The following P2RY14 variants were observed in gnomAD, a reference collection of about 807,000 sequenced individuals.
P2RY14 encodes the protein P2Y purinoceptor 14.
In P2RY14, 2 loss-of-function variants were observed where a neutral mutation model predicts 0.9. That is an observed-to-expected ratio of 2.16 (90% CI 0.88 to 6.79). The LOEUF (loss-of-function observed/expected upper bound fraction) is 6.79. P2RY14 is among the 30% of genes most tolerant of loss of function. The pLI is 0.05. For synonymous variants in P2RY14, 158 were observed against 147.2 expected, an observed-to-expected ratio of 1.07 and a Z score of -0.53; for missense variants, 378 against 400.1, an observed-to-expected ratio of 0.94 and a Z score of 0.47.
chr3:151,249,610 A>C (rs1168576720), intron 1 of P2RY14, among the ~76,000 whole-genome samples: 1 of 152,136 alleles, frequency 6.6e-6, no homozygotes, highest in Admixed American at 6.5e-5. Flanking sequence ...GACTTGATGC[A>C]TGCCAGTACC....
chr3:151,221,158 G>A (rs1427341512), intron 1 of P2RY14, among the ~76,000 whole-genome samples: 3 of 152,292 alleles, frequency 2.0e-5, no homozygotes, highest in African/African-American at 4.8e-5. Flanking sequence ...GAACTTGAGG[G>A]AGATGATTTA....
At chr3:151,246,103 G>C (rs1735393010) in intron 1 of P2RY14, among the ~76,000 whole-genome samples, 1 of 151,930 alleles carries the variant, frequency 6.6e-6, no homozygotes, top group African/African-American at 2.4e-5. Context: ...ACAAACCACT[G>C]CTCAAGGAAA....
intron 1 of P2RY14, among the ~76,000 whole-genome samples, chr3:151,257,868 C>T (rs937907871): frequency 6.6e-6 from 1 of 152,128 alleles, no homozygotes; most frequent in African/African-American, 2.4e-5. Flanking sequence ...TTCCAAGTTC[C>T]TCCTTCTCTC....
chr3:151,235,761 G>A (rs1732620482), intron 1 of P2RY14, among the ~76,000 whole-genome samples: 2 of 151,936 alleles, frequency 1.3e-5, no homozygotes, highest in South Asian at 4.2e-4. Context: ...CTTGGAGCTG[G>A]CTTCTGCCTG....
intron 1 of P2RY14, among the ~76,000 whole-genome samples, chr3:151,222,298 G>A (rs1729519985): frequency 1.3e-5 from 1 of 77,030 alleles, no homozygotes; most frequent in Non-Finnish European, 2.8e-5. Flanking sequence ...GAAATGAATT[G>A]AGACTTGGGG....
At chr3:151,222,463 G>T (rs553873049) in intron 1 of P2RY14, among the ~76,000 whole-genome samples, 31 of 152,338 alleles carry the variant, frequency 2.0e-4, no homozygotes, top group Non-Finnish European at 3.1e-4. Context: ...CCTGGTGGTA[G>T]ATGATTGAAT....
rs544437205 is a variant in P2RY14 at position 151,221,813 on chromosome 3, A to T, written c.-132-2171T>A. ...AGGGAAATGTGGGATTGGAGCCCCC[A>T]CACAGAGTGCCTACTGGGGCACCAT... On this transcript the variant is annotated intron_variant, in intron 1 of 2. Transcript: ENST00000309170. 2.6e-5 allele frequency among the ~76,000 whole-genome samples: 4 copies of T among 152,328 alleles called. No individual in the cohort carries two copies. In the East Asian group the frequency reaches 7.7e-4, roughly 29 times the overall value.
At chr3:151,221,331 TTCAAGCCGGC>T (rs1349004359) in intron 1 of P2RY14, among the ~76,000 whole-genome samples, 1 of 152,176 alleles carries the variant, frequency 6.6e-6, no homozygotes, top group African/African-American at 2.4e-5. Context: ...TGACGAGAAG[TTCAAGCCGGC>T]TGCAGAAGTT....
chr3:151,245,511 A>G (rs1485896294), intron 1 of P2RY14, among the ~76,000 whole-genome samples: 1 of 146,222 alleles, frequency 6.8e-6, no homozygotes, highest in Non-Finnish European at 1.5e-5. Context: ...AGAGCCAAAG[A>G]CAAAAACCAC....
chr3:151,245,309 A>G (rs1735164444), intron 1 of P2RY14, among the ~76,000 whole-genome samples: 1 of 152,228 alleles, frequency 6.6e-6, no homozygotes, highest in Non-Finnish European at 1.5e-5. Context: ...GGGCAGAGAC[A>G]CAACCAACAA....
At chr3:151,269,671 TA>T in intron 1 of P2RY14, 1 of 416,310 alleles carries the variant, frequency 2.4e-6, no homozygotes, top group Non-Finnish European at 4.6e-6. Flanking sequence ...TTGGAGGTAT[TA>T]AATCAGGTTA....
chr3:151,229,630 C>A (rs1577043354), intron 1 of P2RY14, among the ~76,000 whole-genome samples: 1 of 152,030 alleles, frequency 6.6e-6, no homozygotes, highest in African/African-American at 2.4e-5. Flanking sequence ...AGGCGCCCAC[C>A]ACCATGCCTG....
rs940718748 is a variant in P2RY14 at position 151,258,831 on chromosome 3, G to A, written c.-133+19456C>T. On this transcript the variant is annotated intron_variant, in intron 1 of 2. Transcript: ENST00000309170. ...CGTGCCACTGCACTCCAGCCTGGGC[G>A]ACAGAGCAAGATTCTGTCTCAAAAA... 3.7e-4 allele frequency among the ~76,000 whole-genome samples: 52 copies of A among 139,746 alleles called. 1 individual carries two copies. The highest frequency in any genetic ancestry group is 1.1e-3 in the African/African-American group (42 of 36,892). The allele number at this position is 139,746 out of a possible 152,430, so 91.7% of individuals were successfully genotyped here.
intron 1 of P2RY14, among the ~76,000 whole-genome samples, chr3:151,234,214 C>G (rs1407431187): frequency 6.6e-6 from 1 of 152,166 alleles, no homozygotes; most frequent in African/African-American, 2.4e-5. Flanking sequence ...GTAAAAAACC[C>G]ATTATTTGCC....
chr3:151,266,603 C>G (rs567681090), intron 1 of P2RY14, among the ~76,000 whole-genome samples: 1 of 152,282 alleles, frequency 6.6e-6, no homozygotes, highest in Non-Finnish European at 1.5e-5. Context: ...CTTGAACATT[C>G]TTTCCTATTC....
intron 1 of P2RY14, among the ~76,000 whole-genome samples, chr3:151,251,185 T>G (rs1394171974): frequency 6.6e-6 from 1 of 152,210 alleles, no homozygotes; most frequent in Non-Finnish European, 1.5e-5. Flanking sequence ...GTGACATCTC[T>G]GCCAGCATCT....
intron 1 of P2RY14, among the ~76,000 whole-genome samples, chr3:151,229,593 C>T (rs905801888): frequency 6.6e-6 from 1 of 151,024 alleles, no homozygotes; most frequent in African/African-American, 2.4e-5. Context: ...ATTTTCCTGC[C>T]TCAGCCTCCC....
chr3:151,258,124 A>C (rs1738167621), intron 1 of P2RY14, among the ~76,000 whole-genome samples: 1 of 152,142 alleles, frequency 6.6e-6, no homozygotes, highest in South Asian at 2.1e-4. Flanking sequence ...TTTACAGGCA[A>C]ACTCCTGGGA....
At chr3:151,254,408 C>A (rs1358659161) in intron 1 of P2RY14, among the ~76,000 whole-genome samples, 2 of 152,204 alleles carry the variant, frequency 1.3e-5, no homozygotes, top group African/African-American at 4.8e-5. Context: ...CATCTAGTGA[C>A]CAGGGGAAAC....
Sources: gnomAD v4.1 joint callset for allele counts (sites outside exome capture counted in the v4.1 genomes callset) on GRCh38, gnomAD v4.1.1 for gene constraint, MANE v1.5 for transcripts, NCBI Gene and HGNC (gene_info 2026-07-23, HGNC 2026-07-21) for gene names.